Variants in COL13A1 observed in about 807,000 individuals in gnomAD.
COL13A1 encodes the protein collagen alpha-1(XIII) chain.
A neutral mutation model predicts 130.9 loss-of-function variants in COL13A1; 89 were observed. The observed-to-expected ratio is 0.68, with a 90% CI of 0.57 to 0.81. COL13A1 has a LOEUF of 0.81. COL13A1 is among the 30% of genes least tolerant of loss of function. The probability of loss-of-function intolerance (pLI) is 0.00; values close to 1 mark genes in which losing one functional copy is unlikely to be tolerated. For missense variants in COL13A1, 879 were observed against 934.6 expected, an observed-to-expected ratio of 0.94 and a Z score of 0.78; for synonymous variants, 402 against 341.6, an observed-to-expected ratio of 1.18 and a Z score of -1.95.
chr10:69,813,139 G>A (rs1396140608), intron 1 of COL13A1, among the ~76,000 whole-genome samples: 1 of 152,218 alleles, frequency 6.6e-6, no homozygotes, highest in African/African-American at 2.4e-5. Flanking sequence ...TTTGTGAAAG[G>A]CAGGAAAGGA....
chr10:69,803,542 A>G (rs1182047540), intron 1 of COL13A1, among the ~76,000 whole-genome samples: 1 of 152,128 alleles, frequency 6.6e-6, no homozygotes, highest in Non-Finnish European at 1.5e-5. Context: ...GAATCTGGAC[A>G]GCACAGGGGA....
At chr10:69,921,994 C>A in intron 22 of COL13A1, 59 bp downstream of exon 22, 3 of 1,538,776 alleles carry the variant, frequency 1.9e-6, no homozygotes, top group Non-Finnish European at 2.6e-6. Flanking sequence ...CCATACCTGG[C>A]CCTGCACATC....
intron 27 of COL13A1, 68 bp from the exon 28 acceptor site, chr10:69,928,869 G>A: frequency 8.5e-7 from 1 of 1,177,172 alleles, no homozygotes; most frequent in South Asian, 1.3e-5. Context: ...TCCACATATA[G>A]CCCTCAGGGC....
chr10:69,936,834 G>A, intron 33 of COL13A1, 52 bp downstream of exon 33: 2 of 1,610,396 alleles, frequency 1.2e-6, no homozygotes, highest in Non-Finnish European at 1.7e-6. Context: ...AGAAAAGAGG[G>A]AAAGTGCACC....
At position 69,950,952 on chromosome 10, in the gene COL13A1, G is replaced by A. The variant is rs530631966; in HGVS notation, c.2059-1930G>A. On this transcript the variant is annotated intron_variant, in intron 38 of 40. Transcript: ENST00000645393. ...CAACCTCTGCCTCCTGGGTTCAAGCGATTCTCCTGCCTCAGCCTCCCGAGT... is the reference window on the plus strand; with the variant it reads ...CAACCTCTGCCTCCTGGGTTCAAGCAATTCTCCTGCCTCAGCCTCCCGAGT... 7.9e-5 allele frequency among the ~76,000 whole-genome samples: 12 copies of A among 152,226 alleles called. No homozygotes were observed. The South Asian group carries it at 1.9e-3, about 24-fold the overall frequency.
intron 40 of COL13A1, among the ~76,000 whole-genome samples, chr10:69,957,671 C>T (rs577103303): frequency 1.3e-5 from 2 of 152,328 alleles, no homozygotes; most frequent in East Asian, 1.9e-4. Context: ...TGCATGTGAT[C>T]GCCCCATTCA....
intron 2 of COL13A1, among the ~76,000 whole-genome samples, chr10:69,842,668 C>G (rs894378224): frequency 6.6e-6 from 1 of 152,232 alleles, no homozygotes; most frequent in Non-Finnish European, 1.5e-5. Flanking sequence ...GTAGTGTACA[C>G]TACACTCTTG....
chr10:69,941,657 G>A (rs1183290616), intron 35 of COL13A1, among the ~76,000 whole-genome samples: 3 of 152,160 alleles, frequency 2.0e-5, no homozygotes, highest in Admixed American at 2.0e-4. Context: ...AGCAAGTGAG[G>A]CACACTTGGG....
intron 2 of COL13A1, among the ~76,000 whole-genome samples, chr10:69,825,000 C>A (rs1439547762): frequency 6.6e-6 from 1 of 152,178 alleles, no homozygotes; most frequent in African/African-American, 2.4e-5. Flanking sequence ...GGGTCCCCTG[C>A]CCTGCCTCTC....
At chr10:69,831,055 T>C (rs1222558036) in intron 2 of COL13A1, among the ~76,000 whole-genome samples, 1 of 152,230 alleles carries the variant, frequency 6.6e-6, no homozygotes, top group Non-Finnish European at 1.5e-5. Context: ...CTTTTAAGCC[T>C]CTCTGAATGT....
At chr10:69,898,390 G>A (rs2061866052) in intron 13 of COL13A1, among the ~76,000 whole-genome samples, 1 of 152,202 alleles carries the variant, frequency 6.6e-6, no homozygotes, top group African/African-American at 2.4e-5. Context: ...CCATTCCGGG[G>A]GCTGCTGGTC....
At chr10:69,834,589 A>G (rs576929405) in intron 2 of COL13A1, among the ~76,000 whole-genome samples, 3 of 152,218 alleles carry the variant, frequency 2.0e-5, no homozygotes, top group Non-Finnish European at 4.4e-5. Context: ...GGCTATGGCT[A>G]TCCACATTTC....
intron 2 of COL13A1, among the ~76,000 whole-genome samples, chr10:69,856,811 T>C (rs1474358118): frequency 2.0e-5 from 3 of 152,100 alleles, no homozygotes; most frequent in Admixed American, 6.5e-5. Context: ...TATCTCTAGG[T>C]CCTGTGGGAG....
chr10:69,810,376 GAGAGAC>G (rs1842723896), intron 1 of COL13A1, among the ~76,000 whole-genome samples: 1 of 133,820 alleles, frequency 7.5e-6, no homozygotes, highest in Non-Finnish European at 1.6e-5. Flanking sequence ...GAGAGAGAGA[GAGAGAC>G]AGAGAGTCTG....
intron 2 of COL13A1, among the ~76,000 whole-genome samples, chr10:69,867,210 A>AGG (rs2058611287): frequency 6.6e-6 from 1 of 152,110 alleles, no homozygotes; most frequent in Non-Finnish European, 1.5e-5. Flanking sequence ...GGAGCCCGAG[A>AGG]GGGGGCTTTG....
chr10:69,880,644 G>T, intron 7 of COL13A1, 91 bp downstream of exon 7: 1 of 1,378,192 alleles, frequency 7.3e-7, no homozygotes, highest in Non-Finnish European at 1.0e-6. Context: ...GACAGCGAGG[G>T]CGGCTGTGCC....
intron 5 of COL13A1, among the ~76,000 whole-genome samples, chr10:69,876,083 G>A (rs1211964280): frequency 1.3e-5 from 2 of 152,254 alleles, no homozygotes; most frequent in African/African-American, 4.8e-5. Flanking sequence ...GCATCCAAAT[G>A]ATAGCTGACC....
chr10:69,951,078 A>G (rs1250916078), intron 38 of COL13A1, among the ~76,000 whole-genome samples: 1 of 151,670 alleles, frequency 6.6e-6, no homozygotes, highest in African/African-American at 2.4e-5. Context: ...CGAACTCCTG[A>G]CCTCCAGTGA....
intron 8 of COL13A1, among the ~76,000 whole-genome samples, 181 bp from the exon 9 acceptor site, chr10:69,888,123 C>T (rs2060780975): frequency 6.6e-6 from 1 of 152,220 alleles, no homozygotes; most frequent in Non-Finnish European, 1.5e-5. Flanking sequence ...AACCCCATTT[C>T]AGGATGGGAA....
Sources: allele counts gnomAD v4.1 joint callset (sites outside exome capture counted in the v4.1 genomes callset), GRCh38; gene constraint gnomAD v4.1.1; transcripts MANE v1.5; gene names NCBI Gene and HGNC (gene_info 2026-07-23, HGNC 2026-07-21).